The following EPHA6 variants were observed in gnomAD, a reference collection of about 807,000 sequenced individuals.
EPHA6 encodes ephrin type-A receptor 6.
EPHA6 carries 50 observed loss-of-function variants against 112.0 expected under a neutral mutation model. That is an observed-to-expected ratio of 0.45 (90% CI 0.36 to 0.56). The LOEUF (loss-of-function observed/expected upper bound fraction) is 0.56. EPHA6 is among the 20% of genes least tolerant of loss of function. The probability of loss-of-function intolerance (pLI) is 0.00; values close to 1 mark genes in which losing one functional copy is unlikely to be tolerated. For synonymous variants in EPHA6, 529 were observed against 490.7 expected (o/e 1.08, Z -1.03); for missense variants, 1,280 against 1,417.4 (o/e 0.90, Z 1.56).
At chr3:97,084,545 A>G (rs950193402) in intron 3 of EPHA6, among the ~76,000 whole-genome samples, 2 of 152,084 alleles carry the variant, frequency 1.3e-5, no homozygotes, top group African/African-American at 4.8e-5. Flanking sequence ...GACAGTACCA[A>G]TCATTGTTTC....
intron 2 of EPHA6, among the ~76,000 whole-genome samples, chr3:96,948,055 G>T (rs2041361512): frequency 6.6e-6 from 1 of 152,078 alleles, no homozygotes; most frequent in South Asian, 2.1e-4. Flanking sequence ...TTCTGTTGTG[G>T]ATGTACCTGG....
At chr3:96,969,726 A>G (rs1471268414) in intron 2 of EPHA6, among the ~76,000 whole-genome samples, 1 of 151,974 alleles carries the variant, frequency 6.6e-6, no homozygotes, top group Non-Finnish European at 1.5e-5. Flanking sequence ...CACTCCACCA[A>G]ATATTTTCTT....
intron 14 of EPHA6, among the ~76,000 whole-genome samples, chr3:97,687,476 C>T (rs1027158533): frequency 4.0e-5 from 6 of 151,876 alleles, no homozygotes; most frequent in African/African-American, 1.2e-4. Context: ...TGTCAGAGAT[C>T]GTAACGCGAT....
At position 97,226,429 on chromosome 3, in the gene EPHA6, T is replaced by C. The variant is rs372156304; in HGVS notation, c.1270+10T>C. The C allele has an allele frequency of 1.4e-5, 23 of 1,588,980 alleles. No individual in the cohort carries two copies. The highest frequency in any genetic ancestry group is 9.3e-5 in the Admixed American group (5 of 53,538). On this transcript the variant is annotated intron_variant, in intron 4 of 17. Coordinates refer to ENST00000389672, the MANE Select transcript of EPHA6 (RefSeq NM_001080448.3). Reference sequence around the variant, plus strand: ...TCTATGGCATGTACCAGTAAGTCTATACATTTTGGATTTGGAAATTCTGTT... The same window carrying C: ...TCTATGGCATGTACCAGTAAGTCTACACATTTTGGATTTGGAAATTCTGTT...
At chr3:97,007,414 T>A (rs1332613577) in intron 3 of EPHA6, among the ~76,000 whole-genome samples, 1 of 143,670 alleles carries the variant, frequency 7.0e-6, no homozygotes, top group Non-Finnish European at 1.5e-5. Flanking sequence ...TATCAGAGAT[T>A]AGGATTGCGG....
rs1442997121 is a variant in EPHA6 at position 97,751,483 on chromosome 3, A to C, written c.*2782A>C. Among the ~76,000 whole-genome samples the C allele has an allele frequency of 6.6e-6, 1 of 152,114 alleles. No individual in the cohort carries two copies. The highest frequency in any genetic ancestry group is 1.5e-5 in the Non-Finnish European group (1 of 67,982). Reference sequence around the variant, plus strand: ...CTTCATTATGGTTATGGCAACATTGAAACATGTGTGCAAGATTAAACAGAA... The same window carrying C: ...CTTCATTATGGTTATGGCAACATTGCAACATGTGTGCAAGATTAAACAGAA... On this transcript the variant is annotated 3_prime_UTR_variant, in exon 18 of 18. Coordinates refer to ENST00000389672, the MANE Select transcript of EPHA6 (RefSeq NM_001080448.3).
intron 11 of EPHA6, among the ~76,000 whole-genome samples, chr3:97,555,954 A>G (rs933662294): frequency 6.6e-6 from 1 of 151,970 alleles, no homozygotes; most frequent in East Asian, 1.9e-4. Context: ...TGCCTTTCAT[A>G]TGCAAACCAC....
chr3:97,148,836 C>T (rs1325676359), intron 3 of EPHA6, among the ~76,000 whole-genome samples: 1 of 152,056 alleles, frequency 6.6e-6, no homozygotes, highest in Non-Finnish European at 1.5e-5. Context: ...ATGAAACATT[C>T]CATTTCCTTA....
intron 3 of EPHA6, among the ~76,000 whole-genome samples, chr3:97,146,648 CCTCTT>C (rs2076049878): frequency 1.3e-5 from 2 of 151,866 alleles, no homozygotes; most frequent in Admixed American, 1.3e-4. Flanking sequence ...AATGATGCCT[CCTCTT>C]CTTTTTAAAA....
intron 5 of EPHA6, among the ~76,000 whole-genome samples, chr3:97,316,606 T>A (rs2081853354): frequency 6.6e-6 from 1 of 151,950 alleles, no homozygotes; most frequent in African/African-American, 2.4e-5. Context: ...AATATTGGAA[T>A]GACCTAGCAA....
intron 3 of EPHA6, among the ~76,000 whole-genome samples, chr3:97,057,277 T>C (rs1281803799): frequency 6.6e-6 from 1 of 152,204 alleles, no homozygotes; most frequent in East Asian, 1.9e-4. Context: ...TCCTGCCAAA[T>C]GGAGGAGATA....
At chr3:97,235,071 G>A (rs1480667334) in intron 4 of EPHA6, among the ~76,000 whole-genome samples, 1 of 152,062 alleles carries the variant, frequency 6.6e-6, no homozygotes, top group Non-Finnish European at 1.5e-5. Flanking sequence ...TCAAATATCA[G>A]CTTTTAGGGC....
At chr3:97,622,700 T>A (rs2093823430) in intron 13 of EPHA6, among the ~76,000 whole-genome samples, 1 of 151,820 alleles carries the variant, frequency 6.6e-6, no homozygotes, top group Admixed American at 6.6e-5. Flanking sequence ...TTTACATTCC[T>A]ACCAACAGAG....
chr3:97,300,019 T>G (rs539919819), intron 5 of EPHA6, among the ~76,000 whole-genome samples: 5 of 152,188 alleles, frequency 3.3e-5, no homozygotes, highest in Non-Finnish European at 5.9e-5. Context: ...ATGAAACATT[T>G]TATACTCTGA....
intron 1 of EPHA6, among the ~76,000 whole-genome samples, chr3:96,835,345 T>A (rs1302510387): frequency 6.6e-6 from 1 of 152,030 alleles, no homozygotes; most frequent in Non-Finnish European, 1.5e-5. Context: ...GAAGTGGTGG[T>A]CACATCTACT....
intron 1 of EPHA6, among the ~76,000 whole-genome samples, chr3:96,822,920 A>G (rs960012102): frequency 6.6e-6 from 1 of 151,530 alleles, no homozygotes; most frequent in African/African-American, 2.4e-5. Context: ...TTTAAAAAGT[A>G]TAGAAACTTG....
chr3:96,880,774 A>G (rs892137068), intron 2 of EPHA6, among the ~76,000 whole-genome samples: 1 of 152,160 alleles, frequency 6.6e-6, no homozygotes, highest in Non-Finnish European at 1.5e-5. Context: ...ATATAAATTG[A>G]ATCGAACAAT....
chr3:97,720,831 G>A (rs2034494906), intron 15 of EPHA6, among the ~76,000 whole-genome samples: 1 of 152,110 alleles, frequency 6.6e-6, no homozygotes, highest in Non-Finnish European at 1.5e-5. Flanking sequence ...ATGCTTTCAG[G>A]CAATGCATTA....
chr3:97,754,289 T>C lies in EPHA6; in HGVS notation c.*5588T>C, dbSNP rs995322262. ...TTTTAGTAGAGACGGGATTTCTCCA[T>C]GTTGGTTAGGCTGGTCTCGAACTCC... On this transcript the variant is annotated 3_prime_UTR_variant, in exon 18 of 18. Transcript: ENST00000389672. Among the ~76,000 whole-genome samples the C allele has an allele frequency of 6.6e-6, 1 of 152,052 alleles. No homozygotes were observed. The highest frequency in any genetic ancestry group is 2.4e-5 in the African/African-American group (1 of 41,418).
Sources: allele counts gnomAD v4.1 joint callset (sites outside exome capture counted in the v4.1 genomes callset), GRCh38; gene constraint gnomAD v4.1.1; transcripts MANE v1.5; gene names NCBI Gene and HGNC (gene_info 2026-07-23, HGNC 2026-07-21).